ABCB4: variants seen among roughly 807,000 people sequenced by gnomAD.
ABCB4 encodes the protein phosphatidylcholine translocator ABCB4.
ABCB4 carries 76 observed loss-of-function variants against 145.7 expected under a neutral mutation model. The observed-to-expected ratio is 0.52, with a 90% confidence interval of 0.43 to 0.63. The LOEUF (loss-of-function observed/expected upper bound fraction) is 0.63. Among genes scored for constraint, ABCB4 ranks in the 30% least tolerant of loss-of-function variants. The pLI, the probability that ABCB4 is intolerant of heterozygous loss-of-function variation, is 0.00. For missense variants in ABCB4, 1,234 were observed against 1,553.1 expected (o/e 0.79, Z 3.45); for synonymous variants, 517 against 566.8 (o/e 0.91, Z 1.25).
At chr7:87,471,353 T>C (rs1338525602) in intron 3 of ABCB4, among the ~76,000 whole-genome samples, 4 of 151,866 alleles carry the variant, frequency 2.6e-5, no homozygotes, top group African/African-American at 2.4e-5. Flanking sequence ...ACCCTAGAAC[T>C]TAAAGTATAA....
chr7:87,375,851 T>C, the ABCB4 span: 21 of 1,613,612 alleles, frequency 1.3e-5, no homozygotes, highest in African/African-American at 2.7e-4. Flanking sequence ...TGATTGGTCT[T>C]GATCCAGAGA....
chr7:87,392,288 T>C, the ABCB4 span, among the ~76,000 whole-genome samples: 1 of 152,350 alleles, frequency 6.6e-6, no homozygotes, highest in South Asian at 2.1e-4. Context: ...ATTTTTGAAA[T>C]ATCGGTTGCT....
At chr7:87,426,952 T>TGTGTGTGG (rs1809871370) in intron 15 of ABCB4, 32 bp from the exon 16 acceptor site, 1 of 1,429,846 alleles carries the variant, frequency 7.0e-7, no homozygotes, top group Non-Finnish European at 9.6e-7. Context: ...AAAGTGTGTG[T>TGTGTGTGG]GTGTGTGTGT....
At chr7:87,371,173 G>C in the ABCB4 span, among the ~76,000 whole-genome samples, 1 of 152,132 alleles carries the variant, frequency 6.6e-6, no homozygotes, top group Non-Finnish European at 1.5e-5. Context: ...GTGCCAAGAA[G>C]ATAATTTCCT....
intron 10 of ABCB4, among the ~76,000 whole-genome samples, chr7:87,444,114 T>C (rs1476810399): frequency 1.3e-5 from 2 of 152,214 alleles, no homozygotes; most frequent in Admixed American, 1.3e-4. Context: ...ATAATTGATA[T>C]ATATTATAGC....
At chr7:87,445,119 G>A (rs564943232) in intron 9 of ABCB4, 144 bp from the exon 10 acceptor site, 2 of 651,718 alleles carry the variant, frequency 3.1e-6, no homozygotes, top group Non-Finnish European at 5.3e-6. Flanking sequence ...AGCAACATTT[G>A]CAAGGCTAAT....
At chr7:87,399,614 G>GA (rs769564667), downstream of ABCB4, 1 of 152,144 alleles carries the variant, frequency 6.6e-6, no homozygotes, top group Non-Finnish European at 1.5e-5. Flanking sequence ...TTTGTGAATA[G>GA]AAAAATAAAG....
intron 4 of ABCB4, among the ~76,000 whole-genome samples, chr7:87,455,924 A>G (rs751414753): frequency 2.0e-5 from 3 of 152,166 alleles, no homozygotes; most frequent in Non-Finnish European, 4.4e-5. Flanking sequence ...TCTGGCCCCA[A>G]CTGCAGCATC....
intron 14 of ABCB4, among the ~76,000 whole-genome samples, chr7:87,435,965 T>C (rs1810576731): frequency 1.3e-5 from 2 of 152,182 alleles, no homozygotes; most frequent in South Asian, 2.1e-4. Context: ...TTATGTAACC[T>C]TGGAAAATTT....
the ABCB4 span, among the ~76,000 whole-genome samples, chr7:87,377,746 C>G: frequency 6.6e-6 from 1 of 152,168 alleles, no homozygotes; most frequent in South Asian, 2.1e-4. Context: ...ATACCTATTT[C>G]AAAAGGTATT....
At chr7:87,450,628 G>A (rs558770403) in intron 7 of ABCB4, among the ~76,000 whole-genome samples, 7 of 152,000 alleles carry the variant, frequency 4.6e-5, no homozygotes, top group East Asian at 1.9e-4. Context: ...ACACCACCAC[G>A]CCTGGCTAAT....
chr7:87,475,944 A>G (rs920470306), upstream of ABCB4, among the ~76,000 whole-genome samples: 20 of 152,142 alleles, frequency 1.3e-4, no homozygotes, highest in Non-Finnish European at 2.8e-4. Context: ...CGGTCGCAGG[A>G]TAAGACCGAG....
intron 20 of ABCB4, 29 bp from the exon 21 acceptor site, chr7:87,417,544 T>C: frequency 6.2e-7 from 1 of 1,600,254 alleles, no homozygotes; most frequent in Non-Finnish European, 8.6e-7. Flanking sequence ...AAAGCAACTG[T>C]AGTTTTAAGC....
the ABCB4 span, chr7:87,369,417 C>T: frequency 1.7e-5 from 28 of 1,612,798 alleles, no homozygotes; most frequent in South Asian, 3.3e-5. Flanking sequence ...AGTGCTGTGT[C>T]GAGGCCGAGC....
chr7:87,391,694 G>T, the ABCB4 span: 1 of 1,609,408 alleles, frequency 6.2e-7, no homozygotes, highest in Non-Finnish European at 8.5e-7. Context: ...GCCAGTCCAT[G>T]CAGGATCCTT....
chr7:87,465,698 G>A (rs1398884494), intron 3 of ABCB4, among the ~76,000 whole-genome samples: 1 of 152,166 alleles, frequency 6.6e-6, no homozygotes, highest in African/African-American at 2.4e-5. Flanking sequence ...CCTCTGAGAC[G>A]AAACTTCCAG....
At chr7:87,371,183 T>G in the ABCB4 span, among the ~76,000 whole-genome samples, 1 of 152,228 alleles carries the variant, frequency 6.6e-6, no homozygotes, top group African/African-American at 2.4e-5. Context: ...GATAATTTCC[T>G]ATGTTCTAGA....
chr7:87,428,798 T>C (rs1376840953), intron 15 of ABCB4, among the ~76,000 whole-genome samples: 1 of 152,206 alleles, frequency 6.6e-6, no homozygotes, highest in East Asian at 1.9e-4. Context: ...GAAGATACTG[T>C]TTAACTCTTT....
the ABCB4 span, among the ~76,000 whole-genome samples, chr7:87,372,489 A>C: frequency 6.6e-6 from 1 of 152,222 alleles, no homozygotes; most frequent in Non-Finnish European, 1.5e-5. Context: ...AATTAAACAC[A>C]TGTGCTTCAT....
Sources: gnomAD v4.1 joint callset for allele counts (sites outside exome capture counted in the v4.1 genomes callset) on GRCh38, gnomAD v4.1.1 for gene constraint, MANE v1.5 for transcripts, NCBI Gene and HGNC (gene_info 2026-07-23, HGNC 2026-07-21) for gene names.